LRRC31: variants seen among roughly 807,000 people sequenced by gnomAD.
LRRC31 encodes the protein leucine rich repeat containing 31.
Under a neutral mutation model 46.7 loss-of-function variants are expected in LRRC31, and 35 were observed. The ratio of observed to expected loss-of-function variants is 0.75; its 90% CI spans 0.57 to 0.99. LRRC31 has a LOEUF of 0.99. Ranked by LOEUF, LRRC31 falls within the 50% of genes least tolerant of loss-of-function variation. The probability of loss-of-function intolerance (pLI) is 0.00; values close to 1 mark genes in which losing one functional copy is unlikely to be tolerated. For missense variants in LRRC31, 613 were observed against 626.1 expected (o/e 0.98, Z 0.22); for synonymous variants, 236 against 235.1 (o/e 1.00, Z -0.03).
chr3:169,865,092 A>G (rs963201844), intron 1 of LRRC31, among the ~76,000 whole-genome samples: 4 of 151,386 alleles, frequency 2.6e-5, no homozygotes, highest in Admixed American at 1.3e-4. Context: ...AAAAAAACCT[A>G]TGAAACCAAA....
rs942928852 is a variant in LRRC31, at chr3:169,839,903, A to G, written c.*79T>C. The G allele has an allele frequency of 2.7e-5, 30 of 1,101,318 alleles. No individual in the cohort carries two copies. In the African/African-American group the frequency reaches 3.9e-4, roughly 14 times the overall value. 68.2% of individuals were successfully genotyped at this position (1,101,318 alleles called of 1,614,324 possible). A position where few individuals can be genotyped will look rare whatever the true frequency, so the allele number is the denominator to read the frequency against. Reference sequence around the variant, plus strand: ...TTAAATGGCCCAGAAGTTGAAATTCAGTTCATGACTCTGGAATTCGTTCAT... The same window carrying G: ...TTAAATGGCCCAGAAGTTGAAATTCGGTTCATGACTCTGGAATTCGTTCAT... On this transcript the variant is annotated 3_prime_UTR_variant, in exon 9 of 9. Coordinates refer to ENST00000316428, the MANE Select transcript of LRRC31 (RefSeq NM_024727.4).
intron 2 of LRRC31, among the ~76,000 whole-genome samples, chr3:169,861,136 C>G (rs1284744549): frequency 7.1e-6 from 1 of 141,526 alleles, no homozygotes; most frequent in South Asian, 2.2e-4. Context: ...GTGGCACGAT[C>G]TTGGCTCACT....
At chr3:169,853,266 C>T in intron 6 of LRRC31, 1 of 985,176 alleles carries the variant, frequency 1.0e-6, no homozygotes, top group Non-Finnish European at 1.2e-6. Context: ...GAGCAATTTA[C>T]AATGATCGGA....
chr3:169,843,292 G>C (rs1397915342), intron 8 of LRRC31, among the ~76,000 whole-genome samples: 2 of 152,204 alleles, frequency 1.3e-5, no homozygotes, highest in Admixed American at 6.5e-5. Context: ...CCCCAGCTGA[G>C]AGCTAGCAAG....
At chr3:169,861,028 T>C (rs5017831) in intron 2 of LRRC31, among the ~76,000 whole-genome samples, 72,845 of 151,256 alleles carry the variant, frequency 0.48, 18,339 homozygotes, top group East Asian at 0.76. Flanking sequence ...AGCTGAAGTC[T>C]TCAAAACTTG....
At chr3:169,858,830 C>A (rs1781051044) in intron 3 of LRRC31, among the ~76,000 whole-genome samples, 1 of 151,934 alleles carries the variant, frequency 6.6e-6, no homozygotes. Context: ...ATGGTGAAAC[C>A]CTATCTCTAC....
At chr3:169,866,232 T>G (rs1178857676) in intron 1 of LRRC31, among the ~76,000 whole-genome samples, 1 of 152,122 alleles carries the variant, frequency 6.6e-6, no homozygotes, top group East Asian at 1.9e-4. Context: ...AAGCTATTGC[T>G]GTGGTCCAGG....
At chr3:169,856,193 T>A (rs1221044519) in intron 5 of LRRC31, 143 bp downstream of exon 5, 1 of 342,942 alleles carries the variant, frequency 2.9e-6, no homozygotes, top group Non-Finnish European at 4.5e-6. Context: ...TAAAGGAGAT[T>A]TCAATTACCC....
intron 3 of LRRC31, among the ~76,000 whole-genome samples, chr3:169,858,746 G>A (rs1380155050): frequency 6.6e-6 from 1 of 152,110 alleles, no homozygotes. Flanking sequence ...GCTCACGCCT[G>A]TAATCCTAGC....
rs200126186 is a variant in LRRC31, at chr3:169,842,821, G to A, written c.1328-2508C>T. On this transcript the variant is annotated intron_variant, in intron 8 of 8. Transcript: ENST00000316428. ...GATGCAGACAAAAATAAAAAAGACC[G>A]AAATGAAGAAGCAAATTTTAATTAT... Among the ~76,000 whole-genome samples the A allele has an allele frequency of 2.2e-4, 33 of 152,134 alleles. No homozygotes were observed. In the East Asian group the frequency reaches 2.9e-3, roughly 13 times the overall value.
At chr3:169,846,088 GA>G (rs1213597851) in intron 8 of LRRC31, among the ~76,000 whole-genome samples, 1 of 152,148 alleles carries the variant, frequency 6.6e-6, no homozygotes, top group African/African-American at 2.4e-5. Context: ...GCTAAGAAAT[GA>G]AAATACACAC....
At chr3:169,844,127 A>G (rs1005419039) in intron 8 of LRRC31, among the ~76,000 whole-genome samples, 3 of 152,232 alleles carry the variant, frequency 2.0e-5, no homozygotes, top group African/African-American at 7.2e-5. Flanking sequence ...CTATACCCTC[A>G]TAACAAAGCC....
At chr3:169,857,256 C>G (rs940934209) in intron 3 of LRRC31, among the ~76,000 whole-genome samples, 2 of 145,366 alleles carry the variant, frequency 1.4e-5, no homozygotes, top group African/African-American at 5.1e-5. Flanking sequence ...AGAAGTGAGG[C>G]AAAGCAGATA....
chr3:169,864,745 A>G (rs1054355888), intron 1 of LRRC31, among the ~76,000 whole-genome samples: 1 of 152,226 alleles, frequency 6.6e-6, no homozygotes, highest in Non-Finnish European at 1.5e-5. Flanking sequence ...AGACCCCTGG[A>G]CATCTCCTCA....
At chr3:169,854,485 G>A (rs374769036) in intron 6 of LRRC31, among the ~76,000 whole-genome samples, 6 of 152,128 alleles carry the variant, frequency 3.9e-5, no homozygotes, top group Admixed American at 1.3e-4. Context: ...TTGTGTTGAC[G>A]TTTGGTTACA....
In LRRC31 at chr3:169,852,714, G is replaced by T. The variant is rs571934967; in HGVS notation, c.992-928C>A. ...CTTTGCCCCAACTATTACCAAGGCA[G>T]AAAATGCAGTATGCTGGATCTCTAC... On this transcript the variant is annotated intron_variant, in intron 6 of 8. Coordinates refer to ENST00000316428, the MANE Select transcript of LRRC31 (RefSeq NM_024727.4). Among the ~76,000 whole-genome samples the T allele has an allele frequency of 1.1e-3, 172 of 152,290 alleles. 1 individual carries two copies. Among genetic ancestry groups the T allele is most frequent in the African/African-American group, 3.7e-3 (155 of 41,552 alleles).
At chr3:169,854,466 C>T (rs573973086) in intron 6 of LRRC31, among the ~76,000 whole-genome samples, 3 of 152,262 alleles carry the variant, frequency 2.0e-5, no homozygotes, top group Admixed American at 6.5e-5. Context: ...CAGAAAGCCT[C>T]GATACCCTTT....
intron 6 of LRRC31, among the ~76,000 whole-genome samples, chr3:169,852,425 A>C (rs1394555924): frequency 1.3e-4 from 20 of 148,646 alleles, no homozygotes; most frequent in South Asian, 2.1e-4. Flanking sequence ...AAAAAAAAAA[A>C]AAAAAACTCT....
At chr3:169,853,982 G>T (rs894358209) in intron 6 of LRRC31, among the ~76,000 whole-genome samples, 9 of 152,238 alleles carry the variant, frequency 5.9e-5, no homozygotes, top group Non-Finnish European at 1.0e-4. Context: ...CCCATGACCT[G>T]GGGAGAGAGA....
Sources: gnomAD v4.1 joint callset for allele counts (sites outside exome capture counted in the v4.1 genomes callset) on GRCh38, gnomAD v4.1.1 for gene constraint, MANE v1.5 for transcripts, NCBI Gene and HGNC (gene_info 2026-07-23, HGNC 2026-07-21) for gene names.